The following DPYD variants were observed in gnomAD, a reference collection of about 807,000 sequenced individuals.
DPYD encodes dihydropyrimidine dehydrogenase, also known as dihydropyrimidine dehydrogenase [NADP(+)].
In DPYD, 109 loss-of-function variants were observed where a neutral mutation model predicts 116.2. That is an observed-to-expected ratio of 0.94 (90% CI 0.80 to 1.10). The LOEUF (loss-of-function observed/expected upper bound fraction) is 1.10. Among genes scored for constraint, DPYD ranks in the 50% least tolerant of loss-of-function variants. The probability of loss-of-function intolerance (pLI) is 0.00; values close to 1 mark genes in which losing one functional copy is unlikely to be tolerated. For synonymous variants in DPYD, 440 were observed against 432.0 expected (o/e 1.02, Z -0.23); for missense variants, 1,302 against 1,254.5 (o/e 1.04, Z -0.57).
At chr1:97,589,826 A>G (rs554556151) in intron 10 of DPYD, among the ~76,000 whole-genome samples, 2 of 152,322 alleles carry the variant, frequency 1.3e-5, no homozygotes, top group African/African-American at 4.8e-5. Flanking sequence ...TGACCATTAA[A>G]TAACACACAT....
chr1:97,153,033 T>C (rs1415938757), intron 20 of DPYD, among the ~76,000 whole-genome samples: 1 of 152,162 alleles, frequency 6.6e-6, no homozygotes, highest in Non-Finnish European at 1.5e-5. Context: ...CCTTCTAAAA[T>C]GTAAGAGTCT....
intron 3 of DPYD, among the ~76,000 whole-genome samples, chr1:97,811,414 G>A (rs1423163234): frequency 6.6e-6 from 1 of 152,054 alleles, no homozygotes; most frequent in African/African-American, 2.4e-5. Flanking sequence ...CTCCACAAAT[G>A]TTCAATGCCA....
At chr1:97,195,157 C>A (rs1358887273) in intron 19 of DPYD, among the ~76,000 whole-genome samples, 1 of 152,026 alleles carries the variant, frequency 6.6e-6, no homozygotes, top group African/African-American at 2.4e-5. Context: ...ACATACTTCC[C>A]AATTTATATT....
intron 13 of DPYD, among the ~76,000 whole-genome samples, chr1:97,502,246 A>C (rs987110107): frequency 1.3e-5 from 2 of 152,100 alleles, no homozygotes; most frequent in African/African-American, 2.4e-5. Context: ...ATAAACTTCC[A>C]TAAGTATAAA....
chr1:97,615,789 G>C (rs1376488558), intron 8 of DPYD, among the ~76,000 whole-genome samples: 1 of 151,994 alleles, frequency 6.6e-6, no homozygotes, highest in Non-Finnish European at 1.5e-5. Context: ...TTCATTATTT[G>C]AACCTTAGTC....
chr1:97,624,517 G>A (rs1320883405), intron 8 of DPYD, among the ~76,000 whole-genome samples: 2 of 151,948 alleles, frequency 1.3e-5, no homozygotes, highest in Non-Finnish European at 2.9e-5. Context: ...TTGTTAGTGA[G>A]AATGTAAATT....
chr1:97,480,323 G>A (rs1037925657), intron 13 of DPYD, among the ~76,000 whole-genome samples: 7 of 152,106 alleles, frequency 4.6e-5, no homozygotes, highest in Non-Finnish European at 7.4e-5. Flanking sequence ...TCTGGAATAC[G>A]AAAGACTTGT....
chr1:97,372,178 C>T (rs1671344212), intron 16 of DPYD, among the ~76,000 whole-genome samples: 3 of 152,136 alleles, frequency 2.0e-5, no homozygotes, highest in Admixed American at 1.3e-4. Context: ...CCTAACAAAG[C>T]AATCAATAGA....
At chr1:97,141,499 CAT>C (rs1654220121) in intron 20 of DPYD, among the ~76,000 whole-genome samples, 1 of 152,050 alleles carries the variant, frequency 6.6e-6, no homozygotes, top group African/African-American at 2.4e-5. Flanking sequence ...ACATTTTGCT[CAT>C]ATGAGACTTT....
intron 2 of DPYD, among the ~76,000 whole-genome samples, chr1:97,873,866 T>C (rs1671777910): frequency 6.6e-6 from 1 of 151,896 alleles, no homozygotes; most frequent in Non-Finnish European, 1.5e-5. Flanking sequence ...GAAGATACAG[T>C]TGTGAACAAA....
At chr1:97,211,367 C>T (rs1660019460) in intron 19 of DPYD, among the ~76,000 whole-genome samples, 1 of 152,098 alleles carries the variant, frequency 6.6e-6, no homozygotes, top group Non-Finnish European at 1.5e-5. Context: ...AATTTAAATT[C>T]TAAGTTAATG....
At chr1:97,288,111 G>A (rs1665858531) in intron 18 of DPYD, among the ~76,000 whole-genome samples, 1 of 151,354 alleles carries the variant, frequency 6.6e-6, no homozygotes, top group African/African-American at 2.4e-5. Flanking sequence ...AATGGTAAAG[G>A]GATCAATTCA....
rs1177758203 is a variant in DPYD, at chr1:97,291,705, G to T, written c.2299+13554C>A. ...ACTGTTGTGGGGTGGGGGGAGTGGG[G>T]AGGGATAGCATTAGGAGATATACCT... On this transcript the variant is annotated intron_variant, in intron 18 of 22. Coordinates refer to ENST00000370192, the MANE Select transcript of DPYD (RefSeq NM_000110.4). Among the ~76,000 whole-genome samples, 11 of 151,790 alleles carry T rather than the reference G, an allele frequency of 7.2e-5. No homozygotes were observed. The South Asian group carries it at 1.9e-3, about 26-fold the overall frequency.
intron 19 of DPYD, among the ~76,000 whole-genome samples, chr1:97,214,240 T>A (rs77271952): frequency 0.03 from 4,582 of 152,222 alleles, 102 homozygotes; most frequent in Non-Finnish European, 0.048. Flanking sequence ...ATTTAGGTTA[T>A]GATATGGTAA....
At chr1:97,256,263 T>A (rs1265219870) in intron 18 of DPYD, among the ~76,000 whole-genome samples, 1 of 152,136 alleles carries the variant, frequency 6.6e-6, no homozygotes, top group Non-Finnish European at 1.5e-5. Flanking sequence ...CAATGCTGTA[T>A]AGCTCCCAAG....
chr1:97,884,116 T>C (rs936230920), intron 1 of DPYD, among the ~76,000 whole-genome samples: 2 of 152,012 alleles, frequency 1.3e-5, no homozygotes, highest in Non-Finnish European at 2.9e-5. Context: ...TGCATGGCTC[T>C]CAAACAGCTT....
chr1:97,533,370 GA>G (rs1441606349), intron 12 of DPYD, among the ~76,000 whole-genome samples: 4 of 152,106 alleles, frequency 2.6e-5, no homozygotes, highest in African/African-American at 9.7e-5. Context: ...TTAACTTCAA[GA>G]AATGACTTTA....
intron 11 of DPYD, among the ~76,000 whole-genome samples, chr1:97,566,427 TG>T (rs1404039504): frequency 6.6e-6 from 1 of 152,172 alleles, no homozygotes; most frequent in Non-Finnish European, 1.5e-5. Context: ...GTTATTGTAT[TG>T]TATCCAGTGT....
chr1:97,895,147 T>G (rs1353437293), intron 1 of DPYD, among the ~76,000 whole-genome samples: 1 of 151,796 alleles, frequency 6.6e-6, no homozygotes, highest in East Asian at 1.9e-4. Context: ...AGAAATTGCC[T>G]GGCTCCTATG....
Sources: gnomAD v4.1 joint callset for allele counts (sites outside exome capture counted in the v4.1 genomes callset) on GRCh38, gnomAD v4.1.1 for gene constraint, MANE v1.5 for transcripts, NCBI Gene and HGNC (gene_info 2026-07-23, HGNC 2026-07-21) for gene names.